The following WWOX variants were observed in gnomAD, a reference collection of about 807,000 sequenced individuals.
WWOX encodes the protein WW domain containing oxidoreductase.
Under a neutral mutation model 46.2 loss-of-function variants are expected in WWOX, and 69 were observed. That is an observed-to-expected ratio of 1.49 (90% CI 1.23 to 1.82). The LOEUF (loss-of-function observed/expected upper bound fraction) is 1.82. Ranked by LOEUF, WWOX falls within the 40% of genes most tolerant of loss-of-function variation. WWOX has a pLI of 0.00. For synonymous variants in WWOX, 359 were observed against 202.6 expected (o/e 1.77, Z -6.56); for missense variants, 919 against 542.6 (o/e 1.69, Z -6.89).
intron 8 of WWOX, among the ~76,000 whole-genome samples, chr16:79,209,923 C>T (rs572548664): frequency 6.6e-6 from 1 of 152,158 alleles, no homozygotes; most frequent in Non-Finnish European, 1.5e-5. Context: ...TTGAGCCACA[C>T]AAATCAATGG....
chr16:79,134,853 G>A (rs893761020), intron 8 of WWOX, among the ~76,000 whole-genome samples: 2 of 152,164 alleles, frequency 1.3e-5, no homozygotes, highest in African/African-American at 4.8e-5. Flanking sequence ...ACCAGGGGTG[G>A]CTTGGAAAGG....
At chr16:78,168,923 G>C (rs17572124) in intron 5 of WWOX, among the ~76,000 whole-genome samples, 20,560 of 152,118 alleles carry the variant, frequency 0.14, 1,590 homozygotes, top group South Asian at 0.21. Flanking sequence ...ATGCTCCAAA[G>C]TTAGAAGAGA....
chr16:78,849,424 A>C (rs1406947066), intron 8 of WWOX, among the ~76,000 whole-genome samples: 1 of 151,826 alleles, frequency 6.6e-6, no homozygotes, highest in Non-Finnish European at 1.5e-5. Context: ...ACAAAAAAAA[A>C]TTAGCCAGGC....
intron 8 of WWOX, chr16:78,890,789 A>G (rs1471131101): frequency 6.6e-6 from 1 of 152,206 alleles, no homozygotes; most frequent in Non-Finnish European, 1.5e-5. Context: ...TGTTCAAGGT[A>G]ACAGTATACA....
chr16:79,035,574 TATC>T (rs1022869136), intron 8 of WWOX, among the ~76,000 whole-genome samples: 83 of 152,346 alleles, frequency 5.4e-4, no homozygotes, highest in African/African-American at 1.9e-3. Flanking sequence ...AGTCTCACTC[TATC>T]ATCCAGGCTG....
intron 8 of WWOX, among the ~76,000 whole-genome samples, chr16:79,033,856 G>C (rs913518700): frequency 1.3e-5 from 2 of 152,202 alleles, no homozygotes; most frequent in African/African-American, 2.4e-5. Flanking sequence ...TATGATACTG[G>C]ATTCTCAGCA....
At chr16:78,753,980 C>A (rs1281712667) in intron 8 of WWOX, among the ~76,000 whole-genome samples, 1 of 150,060 alleles carries the variant, frequency 6.7e-6, no homozygotes, top group East Asian at 2.0e-4. Context: ...TTATCCATCT[C>A]AAGAAAAGAG....
chr16:78,590,335 G>A (rs1383387218), intron 8 of WWOX, among the ~76,000 whole-genome samples: 6 of 152,264 alleles, frequency 3.9e-5, no homozygotes, highest in Non-Finnish European at 8.8e-5. Flanking sequence ...GGAAGCAAGT[G>A]TGTTGAATAT....
chr16:79,135,652 T>C (rs1383875147), intron 8 of WWOX, among the ~76,000 whole-genome samples: 1 of 152,200 alleles, frequency 6.6e-6, no homozygotes. Flanking sequence ...ATTTCAGTAT[T>C]GACCTCCCAA....
chr16:78,114,582 G>T (rs2032675620), intron 3 of WWOX, among the ~76,000 whole-genome samples: 1 of 152,060 alleles, frequency 6.6e-6, no homozygotes, highest in Non-Finnish European at 1.5e-5. Context: ...TACGTCTTTA[G>T]GCCCTTGCAC....
At chr16:78,714,528 C>T (rs376384097) in intron 8 of WWOX, among the ~76,000 whole-genome samples, 7 of 151,852 alleles carry the variant, frequency 4.6e-5, no homozygotes, top group African/African-American at 7.3e-5. Flanking sequence ...GGTGGGGACA[C>T]AGACACACCA....
intron 8 of WWOX, among the ~76,000 whole-genome samples, chr16:78,536,928 T>C (rs1198595804): frequency 6.6e-6 from 1 of 150,866 alleles, no homozygotes; most frequent in Non-Finnish European, 1.5e-5. Context: ...TTTTCCTCCT[T>C]TTTTGAGAGA....
intron 8 of WWOX, among the ~76,000 whole-genome samples, chr16:79,055,427 G>T (rs2048243775): frequency 1.3e-5 from 2 of 152,078 alleles, no homozygotes; most frequent in South Asian, 4.2e-4. Context: ...TAAAATGCCT[G>T]ACTACCCTGA....
intron 8 of WWOX, among the ~76,000 whole-genome samples, chr16:78,760,046 A>G (rs1315113415): frequency 6.6e-6 from 1 of 152,186 alleles, no homozygotes; most frequent in South Asian, 2.1e-4. Context: ...TGTTCACACT[A>G]GTGATAAAGA....
At chr16:78,186,860 G>GAAGAAAGGTACACAAA (rs1485274678) in intron 5 of WWOX, among the ~76,000 whole-genome samples, 2 of 152,154 alleles carry the variant, frequency 1.3e-5, no homozygotes, top group African/African-American at 4.8e-5. Flanking sequence ...CAAGGGTTCT[G>GAAGAAAGGTACACAAA]GGTACCCTTA....
chr16:79,133,690 T>C (rs2049926953), intron 8 of WWOX, among the ~76,000 whole-genome samples: 1 of 152,198 alleles, frequency 6.6e-6, no homozygotes, highest in South Asian at 2.1e-4. Context: ...AGTTGTATAT[T>C]GTATCAGTAA....
intron 8 of WWOX, among the ~76,000 whole-genome samples, chr16:78,907,177 G>A (rs572254907): frequency 6.6e-6 from 1 of 152,138 alleles, no homozygotes; most frequent in Non-Finnish European, 1.5e-5. Context: ...CTGATGGGCT[G>A]TGGATGCAAT....
intron 8 of WWOX, among the ~76,000 whole-genome samples, chr16:78,574,448 C>T (rs927312497): frequency 6.6e-6 from 1 of 152,048 alleles, no homozygotes; most frequent in African/African-American, 2.4e-5. Context: ...AATAATGTCT[C>T]TGAAGACTGT....
intron 8 of WWOX, among the ~76,000 whole-genome samples, chr16:78,920,760 C>G (rs905741516): frequency 1.3e-5 from 2 of 152,144 alleles, no homozygotes; most frequent in Admixed American, 6.5e-5. Context: ...ATCTGCAAAA[C>G]ACGACTTTTC....
Sources: gnomAD v4.1 joint callset for allele counts (sites outside exome capture counted in the v4.1 genomes callset) on GRCh38, gnomAD v4.1.1 for gene constraint, MANE v1.5 for transcripts, NCBI Gene and HGNC (gene_info 2026-07-23, HGNC 2026-07-21) for gene names.